ADAMTS10: variants seen among roughly 807,000 people sequenced by gnomAD.
ADAMTS10 encodes the protein ADAM metallopeptidase with thrombospondin type 1 motif 10.
ADAMTS10 carries 48 observed loss-of-function variants against 135.9 expected under a neutral mutation model. The observed-to-expected ratio is 0.35, with a 90% CI of 0.28 to 0.45. The LOEUF (loss-of-function observed/expected upper bound fraction) is 0.45. Ranked by LOEUF, ADAMTS10 falls within the 20% of genes least tolerant of loss-of-function variation. The pLI is 1.00. For missense variants in ADAMTS10, 1,131 were observed against 1,565.2 expected (o/e 0.72, Z 4.68); for synonymous variants, 621 against 647.5 (o/e 0.96, Z 0.62).
intron 12 of ADAMTS10, 60 bp from the exon 13 acceptor site, chr19:8,592,930 C>T: frequency 6.6e-7 from 1 of 1,515,332 alleles, no homozygotes; most frequent in Non-Finnish European, 9.0e-7. Flanking sequence ...GGGCAGCCCG[C>T]CCGGCTTGGG....
At chr19:8,591,593 C>T (rs965669686) in intron 15 of ADAMTS10, among the ~76,000 whole-genome samples, 4 of 152,008 alleles carry the variant, frequency 2.6e-5, no homozygotes, top group African/African-American at 9.7e-5. Flanking sequence ...AGGCGCCTGC[C>T]ACCACGCCCA....
At chr19:8,583,889 T>G (rs2042386592) in intron 25 of ADAMTS10, among the ~76,000 whole-genome samples, 2 of 151,476 alleles carry the variant, frequency 1.3e-5, no homozygotes, top group Admixed American at 1.3e-4. Context: ...CTGGGCATGG[T>G]GGCTCACGCC....
rs2042715919 is a variant in ADAMTS10 at position 8,605,785 on chromosome 19, C to G, written c.-75G>C. On this transcript the variant is annotated 5_prime_UTR_variant, in exon 3 of 26. Transcript: ENST00000597188. The surrounding 1 kb of genome is among the most constrained non-coding windows in gnomAD (Gnocchi z 7.7). ...CCCACAGTGCCGCCTCCCCTGTTCACAGCCTTCGCAGCATCACCGGGCTCC... is the reference window on the plus strand; with the variant it reads ...CCCACAGTGCCGCCTCCCCTGTTCAGAGCCTTCGCAGCATCACCGGGCTCC... 6 of 1,534,196 alleles carry G rather than the reference C, an allele frequency of 3.9e-6. No individual in the cohort carries two copies. In the East Asian group the frequency reaches 1.5e-4, roughly 37 times the overall value.
chr19:8,603,640 C>T, intron 5 of ADAMTS10, 88 bp downstream of exon 5: 1 of 1,574,426 alleles, frequency 6.4e-7, no homozygotes, highest in Admixed American at 1.7e-5. Flanking sequence ...ACATAACTGC[C>T]TGCTGACTTT....
At chr19:8,587,872 AGT>A (rs1163368696) in intron 18 of ADAMTS10, among the ~76,000 whole-genome samples, 1 of 146,808 alleles carries the variant, frequency 6.8e-6, no homozygotes, top group East Asian at 2.1e-4. Context: ...TGGAGCTTGC[AGT>A]GAGTTGAGAT....
chr19:8,606,637 G>A (rs1328389925), intron 2 of ADAMTS10, among the ~76,000 whole-genome samples: 2 of 152,102 alleles, frequency 1.3e-5, no homozygotes, highest in Non-Finnish European at 2.9e-5. Context: ...TCCTGACCTC[G>A]CATCACACTC....
intron 18 of ADAMTS10, among the ~76,000 whole-genome samples, chr19:8,587,270 C>T (rs1221728368): frequency 6.6e-6 from 1 of 151,258 alleles, no homozygotes; most frequent in Admixed American, 6.6e-5. Flanking sequence ...GATCCTCCCA[C>T]CTCAGCCTCT....
In ADAMTS10 at chr19:8,604,991, G is replaced by A. The variant is rs189286011; in HGVS notation, c.435+21C>T. 382 of 1,580,250 alleles carry A rather than the reference G, an allele frequency of 2.4e-4. 1 individual carries two copies. The highest frequency in any genetic ancestry group is 6.6e-4 in the Middle Eastern group (4 of 6,032). ...CAAACTTATGGGCATTTCCCCCCGC[G>A]TTCCAGAATCCTCAGCTCACCAGGC... On this transcript the variant is annotated intron_variant, in intron 4 of 25. Coordinates refer to ENST00000597188, the MANE Select transcript of ADAMTS10 (RefSeq NM_030957.4).
In ADAMTS10 at chr19:8,607,337, C is replaced by T. The variant is rs191676555; in HGVS notation, c.-100+797G>A. On this transcript the variant is annotated intron_variant, in intron 2 of 25. Coordinates refer to ENST00000597188, the MANE Select transcript of ADAMTS10 (RefSeq NM_030957.4). ...CACTGGGTAGCACTATTCACTCCCA[C>T]CTCCCAGGCCTCTCCTCCACCCTGT... Among the ~76,000 whole-genome samples the T allele has an allele frequency of 2.0e-3, 302 of 152,290 alleles. 1 individual carries two copies. Among genetic ancestry groups the T allele is most frequent in the Middle Eastern group, 6.8e-3 (2 of 294 alleles).
Position 8,597,009 on chromosome 19 carries a change from C to A in ADAMTS10, c.1018G>T (p.Asp340Tyr). 3 of 1,613,980 alleles carry A rather than the reference C, an allele frequency of 1.9e-6. No homozygotes were observed. The highest frequency in any genetic ancestry group is 2.2e-5 in the East Asian group (1 of 44,874). ...CACCGTGTGATGAGCACTGCTGTGT[C>A]ATGGTTAGCCACACCGTTCTCTGGA... The part of the protein sequence containing the change: ...AIPENGVANH[D>Y]TAVLITRYDI... Residue 340 changes from aspartate to tyrosine, a missense_variant, in exon 8 of 26, where the codon GAC (aspartate) becomes TAC (tyrosine). This residue lies in a region of ADAMTS10 where 80 missense variants were observed against 164.4 expected (regional missense o/e 0.49). Transcript: ENST00000597188.
chr19:8,605,092 G>T lies in ADAMTS10; in HGVS notation c.355C>A (p.Arg119=). The part of the protein sequence containing the change: ...REGLAWQRAA[R]PHCLYAGHLQ... ...TGACCAGCGTAGAGGCAGTGGGGCC[G>T]GGCCGCCCTCTGCCAGGCCAGGCCC... Residue 119 remains arginine, a synonymous_variant, in exon 4 of 26, where the codon CGG becomes AGG. Transcript: ENST00000597188. The surrounding 1 kb of genome is among the most constrained non-coding windows in gnomAD (Gnocchi z 7.7). 1 of 1,612,766 alleles carries T rather than the reference G, an allele frequency of 6.2e-7. No individual in the cohort carries two copies. The highest frequency in any genetic ancestry group is 8.5e-7 in the Non-Finnish European group (1 of 1,179,688).
Position 8,605,704 on chromosome 19 carries a change from G to A in ADAMTS10, c.7C>T (p.Pro3Ser). The change falls in exon 3 of 26, where the codon CCC becomes TCC. Residue 3 changes from proline to serine, a missense_variant. Physicochemically the swap from Pro to Ser is moderately conservative, Grantham distance 74. This residue lies in a region of ADAMTS10 where 306 missense variants were observed against 344.4 expected (regional missense o/e 0.89). Coordinates refer to ENST00000597188, the MANE Select transcript of ADAMTS10 (RefSeq NM_030957.4). The surrounding 1 kb of genome is among the most constrained non-coding windows in gnomAD (Gnocchi z 7.7). ...GCCCAGCGGAGGATCTGGCAGGCGG[G>A]AGCCATAGAGGCCACGTGTCCACAT... MAPACQILRWALA... is the reference protein window; with the variant it reads MASACQILRWALA... The A allele has an allele frequency of 6.2e-7, 1 of 1,608,558 alleles. No homozygotes were observed. The highest frequency in any genetic ancestry group is 8.5e-7 in the Non-Finnish European group (1 of 1,178,582).
chr19:8,586,314 T>C, intron 21 of ADAMTS10, 30 bp downstream of exon 21: 9 of 1,613,380 alleles, frequency 5.6e-6, no homozygotes, highest in Non-Finnish European at 7.6e-6. Flanking sequence ...AGCCCAGGTA[T>C]CTTGTGCCTT....
chr19:8,583,786 G>T (rs2042384861), intron 25 of ADAMTS10, among the ~76,000 whole-genome samples: 1 of 152,204 alleles, frequency 6.6e-6, no homozygotes, highest in African/African-American at 2.4e-5. Flanking sequence ...GAGCCTGGGA[G>T]GTGGAGGTTG....
intron 4 of ADAMTS10, 28 bp from the exon 5 acceptor site, chr19:8,603,912 C>T (rs782332970): frequency 1.9e-6 from 3 of 1,585,530 alleles, no homozygotes; most frequent in East Asian, 4.5e-5. Context: ...GGATAGAAAG[C>T]TCTCAGGATC....
At chr19:8,600,580 G>C (rs1416324182) in intron 6 of ADAMTS10, among the ~76,000 whole-genome samples, 10 of 147,456 alleles carry the variant, frequency 6.8e-5, no homozygotes, top group Non-Finnish European at 1.5e-4. Context: ...CTCACTGCAA[G>C]CTCTGCCTCC....
Position 8,596,618 on chromosome 19 carries a change from G to A in ADAMTS10, c.1041-33C>T, listed in dbSNP as rs2042608768. 1 of 1,610,636 alleles carries A rather than the reference G, an allele frequency of 6.2e-7. No homozygotes were observed. On this transcript the variant is annotated intron_variant, in intron 8 of 25. Coordinates refer to ENST00000597188, the MANE Select transcript of ADAMTS10 (RefSeq NM_030957.4). This position sits in a 1 kb window ranked among gnomAD's most constrained non-coding sequence, Gnocchi z 7.2. ...AGGAGACAGGGTCAGTGAGGGGGCT[G>A]GGCTGTCTCCCTAAGCCCTGCTGAT...
At chr19:8,606,196 G>C (rs1274235945) in intron 2 of ADAMTS10, among the ~76,000 whole-genome samples, 2 of 152,190 alleles carry the variant, frequency 1.3e-5, no homozygotes. Context: ...AAGTAGCTGA[G>C]ATTGCAGGTG....
In ADAMTS10 at chr19:8,600,921, C is replaced by G. The variant is rs1555741430; in HGVS notation, c.810+7G>C. 1.9e-6 allele frequency: 3 copies of G among 1,614,054 alleles called. No homozygotes were observed. Among genetic ancestry groups the G allele is most frequent in the Non-Finnish European group, 1.7e-6 (2 of 1,180,046 alleles). On this transcript the variant is annotated splice_region_variant and intron_variant, in intron 6 of 25. Coordinates refer to ENST00000597188, the MANE Select transcript of ADAMTS10 (RefSeq NM_030957.4). ...GGCTGCGTGCCCAGGGAGGGGAAGG[C>G]ACTTACAATGTTCATGATGGCCAGG...
Sources: allele counts gnomAD v4.1 joint callset (sites outside exome capture counted in the v4.1 genomes callset), GRCh38; gene constraint gnomAD v4.1.1; regional missense constraint gnomAD v4.1.1; non-coding constraint Gnocchi (gnomAD v3.1); transcripts MANE v1.5; gene names NCBI Gene and HGNC (gene_info 2026-07-23, HGNC 2026-07-21).